The following PAICS variants were observed in gnomAD, a reference collection of about 807,000 sequenced individuals.
PAICS encodes the protein bifunctional phosphoribosylaminoimidazole carboxylase/phosphoribosylaminoimidazole succinocarboxamide synthetase.
Under a neutral mutation model 53.7 loss-of-function variants are expected in PAICS, and 33 were observed. The observed-to-expected ratio is 0.61, with a 90% CI of 0.47 to 0.82. The LOEUF is 0.82. Among genes scored for constraint, PAICS ranks in the 40% least tolerant of loss-of-function variants. The pLI is 0.00. For missense variants in PAICS, 394 were observed against 494.1 expected (o/e 0.80, Z 1.92); for synonymous variants, 141 against 167.2 (o/e 0.84, Z 1.21).
At chr4:56,423,273 C>T in the PAICS span, 2 of 152,200 alleles carry the variant, frequency 1.3e-5, no homozygotes, top group Admixed American at 6.5e-5. Context: ...TCAGACAGGA[C>T]AGATTCTTAG....
chr4:56,439,480 G>A (rs546246299), intron 1 of PAICS, among the ~76,000 whole-genome samples: 1 of 151,958 alleles, frequency 6.6e-6, no homozygotes, highest in Admixed American at 6.6e-5. Flanking sequence ...CAAGTGATCC[G>A]CCCGCCTCGG....
At chr4:56,416,586 A>C in the PAICS span, 1 of 152,404 alleles carries the variant, frequency 6.6e-6, no homozygotes, top group Admixed American at 6.5e-5. Context: ...CACTGAAAAA[A>C]ATTATTTCTA....
At chr4:56,419,743 T>G in the PAICS span, 492,645 of 981,750 alleles carry the variant, frequency 0.5, 124,346 homozygotes, top group East Asian at 0.53. Flanking sequence ...GATAAAAGCA[T>G]ACAACGACAA....
At position 56,461,976 on chromosome 4, in the gene PAICS, A is replaced by G. The variant is rs1340883743; in HGVS notation, c.*2438A>G. On this transcript the variant is annotated 3_prime_UTR_variant, in exon 9 of 9. Coordinates refer to ENST00000512576, the MANE Select transcript of PAICS (RefSeq NM_001079524.2). ...AAAGCACTTAGGTAAAGCTTCATTC[A>G]GTATCCATTCACCCAATACTGGTTT... 1 of 152,246 alleles carries G rather than the reference A, an allele frequency of 6.6e-6. No homozygotes were observed. The highest frequency in any genetic ancestry group is 1.9e-4 in the East Asian group (1 of 5,206). 9.4% of individuals were successfully genotyped at this position (152,246 alleles called of 1,614,324 possible).
Position 56,451,936 on chromosome 4 carries a change from G to A in PAICS, c.836G>A (p.Gly279Asp), listed in dbSNP as rs367790847. The A allele has an allele frequency of 1.2e-6, 2 of 1,605,536 alleles. No homozygotes were observed. Among genetic ancestry groups the A allele is most frequent in the Non-Finnish European group, 1.7e-6 (2 of 1,175,422 alleles). The change falls in exon 7 of 9, where the codon GGT becomes GAT. Residue 279 changes from glycine (G) to aspartate (D), a missense_variant. Around this residue, in one of 3 missense-constraint regions of PAICS, gnomAD observed 131 missense variants for 205.5 expected, o/e 0.64. Coordinates refer to ENST00000512576, the MANE Select transcript of PAICS (RefSeq NM_001079524.2). ...VVLMGSTSDL[G>D]HCEKIKKACG... Reference sequence around the variant, plus strand: ...TTGATGGGCTCTACTTCTGATCTTGGTCACTGTGAAAAAATCAAGAAGGCC... The same window carrying A: ...TTGATGGGCTCTACTTCTGATCTTGATCACTGTGAAAAAATCAAGAAGGCC...
At position 56,438,402 on chromosome 4, in the gene PAICS, T is replaced by TATAA. The variant is rs1488140962; in HGVS notation, c.16+2075_16+2076insTAAA. On this transcript the variant is annotated intron_variant, in intron 1 of 8. Coordinates refer to ENST00000512576, the MANE Select transcript of PAICS (RefSeq NM_001079524.2). The stretch of plus-strand genomic sequence containing the variant: ...ATATATATATATATATATATATATA[T>TATAA]AAAAGGTTTTTTTTGTTGTTGTTTT... 7.1e-4 allele frequency among the ~76,000 whole-genome samples: 94 copies of TATAA among 132,156 alleles called. 2 individuals carry two copies. The highest frequency in any genetic ancestry group is 2.2e-3 in the African/African-American group (79 of 36,676). 86.7% of individuals were successfully genotyped at this position (132,156 alleles called of 152,430 possible).
the PAICS span, among the ~76,000 whole-genome samples, chr4:56,417,238 A>C: frequency 1.3e-5 from 2 of 152,240 alleles, no homozygotes; most frequent in Non-Finnish European, 2.9e-5. Context: ...ATAAGAAAAA[A>C]AATTCTGAAA....
At position 56,448,494 on chromosome 4, in the gene PAICS, T is replaced by C; in HGVS notation, c.470T>C (p.Ile157Thr). 6.2e-7 allele frequency: 1 copy of C among 1,612,788 alleles called. No homozygotes were observed. Among genetic ancestry groups the C allele is most frequent in the Non-Finnish European group, 8.5e-7 (1 of 1,178,978 alleles). Residue 157 changes from isoleucine to threonine, a missense_variant, in exon 4 of 9, where the codon ATA (isoleucine) becomes ACA (threonine). Ile to Thr is a moderately conservative substitution (Grantham distance 89). Coordinates refer to ENST00000512576, the MANE Select transcript of PAICS (RefSeq NM_001079524.2). Reference sequence around the variant, plus strand: ...AAATTTTGCTTTGCTGGACTTCTTATAGGCCAGACTGAAGTGGATATCATG... The same window carrying C: ...AAATTTTGCTTTGCTGGACTTCTTACAGGCCAGACTGAAGTGGATATCATG... ...AAKFCFAGLL[I>T]GQTEVDIMSH...
Position 56,462,403 on chromosome 4 carries a change from GAGGCTTGACATACTTAACATAT to G in PAICS, c.*2866_*2887del, listed in dbSNP as rs1210180031. 3 of 152,230 alleles carry G rather than the reference GAGGCTTGACATACTTAACATAT, an allele frequency of 2.0e-5. No homozygotes were observed. The highest frequency in any genetic ancestry group is 7.2e-5 in the African/African-American group (3 of 41,454). The allele number at this position is 152,230 out of a possible 1,614,324, so 9.4% of individuals were successfully genotyped here. A position where few individuals can be genotyped will look rare whatever the true frequency, so the allele number is the denominator to read the frequency against. On this transcript the variant is annotated 3_prime_UTR_variant, in exon 9 of 9. Transcript: ENST00000512576. ...TGACAGGAAAAACTCAGTTTGAGCA[GAGGCTTGACATACTTAACATAT>G]TTAAAGGTTCTCTGGCTGTTGTGTG...
intron 2 of PAICS, among the ~76,000 whole-genome samples, chr4:56,444,511 T>TAG (rs1278203874): frequency 6.6e-6 from 1 of 152,188 alleles, no homozygotes; most frequent in African/African-American, 2.4e-5. Flanking sequence ...TTAGCTAGAA[T>TAG]TACTATTCTA....
At chr4:56,450,357 AC>A (rs901858175) in intron 5 of PAICS, among the ~76,000 whole-genome samples, 1 of 152,110 alleles carries the variant, frequency 6.6e-6, no homozygotes, top group Non-Finnish European at 1.5e-5. Flanking sequence ...TTAGAGCAAG[AC>A]CCTTTCTATA....
At chr4:56,428,996 C>A in the PAICS span, 2 of 971,792 alleles carry the variant, frequency 2.1e-6, no homozygotes, top group Non-Finnish European at 2.4e-6. Context: ...GAGAAAAGCA[C>A]ATGAAGATGG....
chr4:56,437,716 G>A (rs1718088815), intron 1 of PAICS, among the ~76,000 whole-genome samples: 1 of 148,518 alleles, frequency 6.7e-6, no homozygotes, highest in African/African-American at 2.5e-5. Context: ...AGCTACTCGG[G>A]AACCTGAGGC....
chr4:56,416,450 T>TTTA, the PAICS span: 1 of 443,610 alleles, frequency 2.3e-6, no homozygotes, highest in Non-Finnish European at 3.0e-6. Context: ...TATAGTATAA[T>TTTA]GGATGGGACA....
At chr4:56,436,513 G>T (rs757813470) in intron 1 of PAICS, 185 bp downstream of exon 1, 2 of 715,064 alleles carry the variant, frequency 2.8e-6, no homozygotes, top group South Asian at 3.0e-5. Context: ...CGGGGATGGG[G>T]AGAAGGAGCA....
At chr4:56,453,540 A>C (rs1719028016) in intron 7 of PAICS, 63 bp from the exon 8 acceptor site, 2 of 1,287,028 alleles carry the variant, frequency 1.6e-6, no homozygotes, top group South Asian at 1.6e-5. Context: ...AAAAAAAAAA[A>C]AAACCCTGTC....
At chr4:56,451,270 T>A (rs1270906058) in intron 6 of PAICS, 2 of 152,830 alleles carry the variant, frequency 1.3e-5, no homozygotes, top group African/African-American at 4.8e-5. Flanking sequence ...CCCTACCCCG[T>A]AGGAGAAACC....
intron 5 of PAICS, 53 bp from the exon 6 acceptor site, chr4:56,450,566 G>C: frequency 1.0e-6 from 1 of 953,036 alleles, no homozygotes; most frequent in Non-Finnish European, 1.7e-6. Context: ...AAACCAAATA[G>C]TTTCAGGTAG....
chr4:56,423,436 A>G, the PAICS span: 1 of 152,228 alleles, frequency 6.6e-6, no homozygotes, highest in Non-Finnish European at 1.5e-5. Context: ...CAGCCTGGGC[A>G]ACACAGCAAG....
Sources: allele counts gnomAD v4.1 joint callset (sites outside exome capture counted in the v4.1 genomes callset), GRCh38; gene constraint gnomAD v4.1.1; regional missense constraint gnomAD v4.1.1; transcripts MANE v1.5; gene names NCBI Gene and HGNC (gene_info 2026-07-23, HGNC 2026-07-21).